The following JAK1 variants were observed in gnomAD, a reference collection of about 807,000 sequenced individuals.
The protein encoded by JAK1 is Janus kinase 1.
Under a neutral mutation model 136.6 loss-of-function variants are expected in JAK1, and 16 were observed. That is an observed-to-expected ratio of 0.12 (90% CI 0.08 to 0.18). JAK1 has a LOEUF of 0.18. Among genes scored for constraint, JAK1 ranks in the 10% least tolerant of loss-of-function variants. JAK1 has a pLI of 1.00. For synonymous variants in JAK1, 492 were observed against 519.5 expected (o/e 0.95, Z 0.72); for missense variants, 859 against 1,450.1 (o/e 0.59, Z 6.62).
At chr1:65,008,226 G>A (rs1646819667) in intron 2 of JAK1, among the ~76,000 whole-genome samples, 1 of 152,158 alleles carries the variant, frequency 6.6e-6, no homozygotes, top group Non-Finnish European at 1.5e-5. Context: ...AAAAGCCCAG[G>A]GGAGCAGGAA....
rs142393341 is a variant in JAK1, at chr1:64,902,551, T to TGAGAGAGA, written c.-77-16218_-77-16211dup. On this transcript the variant is annotated intron_variant, in intron 1 of 24. Transcript: ENST00000342505. ...CATGGTGCCTTTACTCATGAATTTG[T>TGAGAGAGA]GAGAGAGAGAGAGAGAGAGAGAGAG... 6.8e-5 allele frequency among the ~76,000 whole-genome samples: 7 copies of TGAGAGAGA among 102,352 alleles called. 1 individual carries two copies. Among genetic ancestry groups the TGAGAGAGA allele is most frequent in the South Asian group, 4.4e-4 (1 of 2,258 alleles). 67.1% of individuals were successfully genotyped at this position (102,352 alleles called of 152,430 possible).
In JAK1 at chr1:64,857,662, C is replaced by A. The variant is rs1471834988; in HGVS notation, c.1452G>T (p.Lys484Asn). The A allele has an allele frequency of 6.2e-7, 1 of 1,614,026 alleles. No individual in the cohort carries two copies. The highest frequency in any genetic ancestry group is 1.3e-5 in the African/African-American group (1 of 74,940). Residue 484 changes from lysine to asparagine, a missense_variant, in exon 10 of 25, where the codon AAG becomes AAT. Physicochemically the swap from Lys to Asn is moderately conservative, Grantham distance 94 (BLOSUM62 0). Around this residue, in one of 4 missense-constraint regions of JAK1, gnomAD observed 409 missense variants for 753.8 expected, o/e 0.54. Coordinates refer to ENST00000342505, the MANE Select transcript of JAK1 (RefSeq NM_002227.4). ...AGCCAGTGTCCTGACTGACCTCAGA[C>A]TTCTCAAAGCAGGTGACGGTCATGA... The part of the protein sequence containing the change: ...NILMTVTCFE[K>N]SEQVQGAQKQ...
chr1:64,855,480 C>T (rs758894488), intron 11 of JAK1, 29 bp downstream of exon 11: 1 of 1,607,454 alleles, frequency 6.2e-7, no homozygotes, highest in East Asian at 2.2e-5. Flanking sequence ...TGATGGGATA[C>T]AGCCTGGCTC....
intron 1 of JAK1, among the ~76,000 whole-genome samples, chr1:64,930,747 C>A (rs1645675885): frequency 6.6e-6 from 1 of 152,088 alleles, no homozygotes; most frequent in African/African-American, 2.4e-5. Flanking sequence ...TGGATCCAAC[C>A]CAAATGCCCA....
chr1:64,959,226 T>C (rs1222007590), intron 1 of JAK1, among the ~76,000 whole-genome samples: 1 of 152,170 alleles, frequency 6.6e-6, no homozygotes, highest in Non-Finnish European at 1.5e-5. Context: ...GTCCAACATA[T>C]ACATCACCAA....
intron 2 of JAK1, among the ~76,000 whole-genome samples, chr1:65,040,615 C>T (rs921024503): frequency 4.1e-5 from 6 of 148,132 alleles, no homozygotes; most frequent in Non-Finnish European, 7.4e-5. Flanking sequence ...CTGTCCACAA[C>T]AATCTCCCTA....
chr1:65,038,237 T>G (rs1647095352), intron 2 of JAK1, among the ~76,000 whole-genome samples: 1 of 151,414 alleles, frequency 6.6e-6, no homozygotes, highest in African/African-American at 2.4e-5. Context: ...TTGCTCTTGT[T>G]GCCCAGGCTG....
At chr1:64,983,031 G>A (rs1158055047) in intron 2 of JAK1, among the ~76,000 whole-genome samples, 6 of 152,076 alleles carry the variant, frequency 3.9e-5, no homozygotes, top group Non-Finnish European at 8.8e-5. Flanking sequence ...GGAACAGTGA[G>A]AACTGAGAAC....
At chr1:64,881,294 A>T (rs1317130585) in intron 3 of JAK1, among the ~76,000 whole-genome samples, 1 of 127,234 alleles carries the variant, frequency 7.9e-6, no homozygotes, top group Non-Finnish European at 1.7e-5. Context: ...TTTAAAAAAA[A>T]GTATTACCCT....
Position 64,929,034 on chromosome 1 carries a change from G to A in JAK1, c.-78+37299C>T, listed in dbSNP as rs143854581. 9.9e-5 allele frequency among the ~76,000 whole-genome samples: 15 copies of A among 152,206 alleles called. 1 individual carries two copies. Among genetic ancestry groups the A allele is most frequent in the African/African-American group, 3.4e-4 (14 of 41,524 alleles). The stretch of plus-strand genomic sequence containing the variant: ...TATGTCACTGATTCTGAAGGAAACT[G>A]GAATTATCTTTTTAAAAATTCAGGC... On this transcript the variant is annotated intron_variant, in intron 1 of 24. Transcript: ENST00000342505.
At chr1:64,857,001 G>T (rs1655980572) in intron 10 of JAK1, among the ~76,000 whole-genome samples, 1 of 152,180 alleles carries the variant, frequency 6.6e-6, no homozygotes, top group African/African-American at 2.4e-5. Context: ...ATTCCACTTT[G>T]TAGTTTTTTT....
At position 64,850,955 on chromosome 1, in the gene JAK1, G is replaced by A. The variant is rs373701937; in HGVS notation, c.1649-45C>T. Reference sequence around the variant, plus strand: ...AGTCTGAGCACAGCACCCAAGATCCGAGCTCTCAGACAGCCAACGTCTGCT... The same window carrying A: ...AGTCTGAGCACAGCACCCAAGATCCAAGCTCTCAGACAGCCAACGTCTGCT... On this transcript the variant is annotated intron_variant, in intron 11 of 24. Transcript: ENST00000342505. The A allele has an allele frequency of 1.0e-4, 141 of 1,359,700 alleles. No homozygotes were observed. The East Asian group carries it at 1.7e-3, about 17-fold the overall frequency. The allele number at this position is 1,359,700 out of a possible 1,614,324, so 84.2% of individuals were successfully genotyped here.
chr1:65,039,686 T>G (rs1268117385), intron 2 of JAK1, among the ~76,000 whole-genome samples: 1 of 152,210 alleles, frequency 6.6e-6, no homozygotes, highest in African/African-American at 2.4e-5. Flanking sequence ...GTGATCTTAC[T>G]GTCAATGACT....
intron 11 of JAK1, among the ~76,000 whole-genome samples, chr1:64,851,310 A>G (rs1358778601): frequency 6.6e-6 from 1 of 152,206 alleles, no homozygotes; most frequent in Non-Finnish European, 1.5e-5. Flanking sequence ...CCACCTCCAC[A>G]GCCCGGTACA....
At chr1:65,018,483 AGAGAAC>A (rs909665910) in intron 2 of JAK1, among the ~76,000 whole-genome samples, 1 of 135,464 alleles carries the variant, frequency 7.4e-6, no homozygotes, top group Non-Finnish European at 1.5e-5. Context: ...AGAGAGAGAG[AGAGAAC>A]ACACACACAC....
chr1:64,837,827 G>A (rs4916004), intron 22 of JAK1, 105 bp downstream of exon 22: 69,454 of 912,022 alleles, frequency 0.076, 3,012 homozygotes, highest in Non-Finnish European at 0.09. Context: ...CTAACCTTGA[G>A]TCAGGCCAGA....
upstream of JAK1, among the ~76,000 whole-genome samples, chr1:64,969,263 T>G (rs553290280): frequency 7.2e-5 from 11 of 152,204 alleles, no homozygotes; most frequent in African/African-American, 2.6e-4. Flanking sequence ...GCAAGGGCTC[T>G]CAACCTCAGC....
At chr1:64,971,523 G>A (rs1343660342), upstream of JAK1, among the ~76,000 whole-genome samples, 1 of 151,686 alleles carries the variant, frequency 6.6e-6, no homozygotes, top group Non-Finnish European at 1.5e-5. Flanking sequence ...TTTTTGCAGA[G>A]ACGCGGTTTC....
rs371925805 is a variant in JAK1, at chr1:65,056,001, G to A, written c.-180-11419C>T. Reference sequence around the variant, plus strand: ...GGGAAGGTGGTGAAATCTTCACCAAGGCCAATGATTGCACAACACATAACT... The same window carrying A: ...GGGAAGGTGGTGAAATCTTCACCAAAGCCAATGATTGCACAACACATAACT... On this transcript the variant is annotated intron_variant, in intron 1 of 25. Coordinates refer to the JAK1 transcript ENST00000671954. Among the ~76,000 whole-genome samples the A allele has an allele frequency of 2.4e-4, 37 of 152,280 alleles. 1 individual carries two copies. In the East Asian group the frequency reaches 2.7e-3, roughly 11 times the overall value.
Sources: allele counts gnomAD v4.1 joint callset (sites outside exome capture counted in the v4.1 genomes callset), GRCh38; gene constraint gnomAD v4.1.1; regional missense constraint gnomAD v4.1.1; transcripts MANE v1.5; gene names NCBI Gene and HGNC (gene_info 2026-07-23, HGNC 2026-07-21).